SRGAP2C: variants seen among roughly 807,000 people sequenced by gnomAD.
SRGAP2C encodes SLIT-ROBO Rho GTPase-activating protein 2C.
In SRGAP2C, 15 loss-of-function variants were observed where a neutral mutation model predicts 25.1. The observed-to-expected ratio is 0.60, with a 90% CI of 0.40 to 0.92. The LOEUF (loss-of-function observed/expected upper bound fraction) is 0.92, where lower values mean the gene tolerates loss of function less well. Among genes scored for constraint, SRGAP2C ranks in the 40% least tolerant of loss-of-function variants. The pLI is 0.00. For synonymous variants in SRGAP2C, 44 were observed against 96.6 expected (o/e 0.46, Z 3.19); for missense variants, 144 against 264.4 (o/e 0.54, Z 3.16).
At chr1:121,208,520 A>G (rs1306029632) in intron 2 of SRGAP2C, among the ~76,000 whole-genome samples, 1 of 152,214 alleles carries the variant, frequency 6.6e-6, no homozygotes, top group African/African-American at 2.4e-5. Context: ...GGTAAATGAT[A>G]AATAGCAAGT....
chr1:121,320,794 T>G (rs1658183909), intron 3 of SRGAP2C, among the ~76,000 whole-genome samples: 4 of 152,118 alleles, frequency 2.6e-5, no homozygotes. Context: ...TTCCCCTTCA[T>G]AAATATTAAT....
chr1:121,314,510 TAG>T (rs1658049128), intron 3 of SRGAP2C, among the ~76,000 whole-genome samples: 1 of 152,148 alleles, frequency 6.6e-6, no homozygotes, highest in Non-Finnish European at 1.5e-5. Flanking sequence ...CTCTGCGTTT[TAG>T]AGTTTCCAGT....
intron 2 of SRGAP2C, among the ~76,000 whole-genome samples, chr1:121,230,687 C>A (rs1442656514): frequency 1.3e-5 from 2 of 149,170 alleles, no homozygotes; most frequent in Non-Finnish European, 3.0e-5. Flanking sequence ...TTATCAAAGG[C>A]CTTTCCCAAA....
intron 2 of SRGAP2C, among the ~76,000 whole-genome samples, chr1:121,213,834 T>C (rs1655327024): frequency 9.9e-6 from 1 of 100,852 alleles, no homozygotes. Flanking sequence ...AACAGAATCT[T>C]CTCAAGATCA....
chr1:121,282,526 C>G (rs1255332674), intron 2 of SRGAP2C, among the ~76,000 whole-genome samples: 9 of 151,004 alleles, frequency 6.0e-5, no homozygotes, highest in Admixed American at 1.3e-4. Flanking sequence ...ACCTGGAAAG[C>G]CTTTCCACCC....
intron 2 of SRGAP2C, among the ~76,000 whole-genome samples, chr1:121,217,609 T>A (rs1655423358): frequency 1.3e-5 from 2 of 152,070 alleles, no homozygotes; most frequent in Admixed American, 1.3e-4. Context: ...GTGACTCAAA[T>A]TCCACTGAAG....
intron 2 of SRGAP2C, among the ~76,000 whole-genome samples, chr1:121,264,968 G>C (rs370174995): frequency 8.5e-6 from 1 of 117,194 alleles, no homozygotes; most frequent in Non-Finnish European, 1.8e-5. Context: ...AGGCTGAGGC[G>C]GGTAGATCAC....
intron 2 of SRGAP2C, among the ~76,000 whole-genome samples, chr1:121,262,908 TTG>T (rs1419744931): frequency 1.3e-5 from 2 of 149,484 alleles, no homozygotes; most frequent in Non-Finnish European, 3.0e-5. Flanking sequence ...TTGTGTTATT[TTG>T]TGTCTTTTCC....
chr1:121,223,999 G>A (rs1464819568), intron 2 of SRGAP2C, among the ~76,000 whole-genome samples: 11 of 151,916 alleles, frequency 7.2e-5, no homozygotes, highest in South Asian at 6.2e-4. Context: ...TACAGAGGCC[G>A]CTTGGCCTCT....
chr1:121,277,222 T>C (rs1657126322), intron 2 of SRGAP2C, among the ~76,000 whole-genome samples: 1 of 145,932 alleles, frequency 6.9e-6, no homozygotes, highest in African/African-American at 2.5e-5. Context: ...TTATGTAATA[T>C]GAATTGTTAT....
At chr1:121,335,905 T>C (rs1156504239) in intron 4 of SRGAP2C, among the ~76,000 whole-genome samples, 144 of 152,160 alleles carry the variant, frequency 9.5e-4, no homozygotes, top group Admixed American at 9.3e-3. Flanking sequence ...GATGTACTTA[T>C]CTTCCTCTGA....
chr1:121,337,862 C>CT (rs2101621893), intron 4 of SRGAP2C, among the ~76,000 whole-genome samples: 1 of 107,200 alleles, frequency 9.3e-6, no homozygotes, highest in Non-Finnish European at 1.9e-5. Context: ...TAAATGAATG[C>CT]TAACCATGCC....
intron 5 of SRGAP2C, among the ~76,000 whole-genome samples, chr1:121,368,011 G>A (rs1659380369): frequency 8.7e-6 from 1 of 115,220 alleles, no homozygotes; most frequent in Non-Finnish European, 1.8e-5. Flanking sequence ...GGGAGGCAGA[G>A]CTTGCAGTGA....
At chr1:121,374,748 A>T (rs1232111583) in intron 6 of SRGAP2C, 78 bp from the exon 7 acceptor site, 5 of 711,988 alleles carry the variant, frequency 7.0e-6, no homozygotes, top group Non-Finnish European at 1.3e-5. Flanking sequence ...GTTCTTGAAT[A>T]CACTGTACTT....
intron 3 of SRGAP2C, among the ~76,000 whole-genome samples, chr1:121,314,741 G>A (rs1233320573): frequency 6.6e-6 from 1 of 151,558 alleles, no homozygotes; most frequent in Non-Finnish European, 1.5e-5. Context: ...GCTGCTCGGG[G>A]GTCAGGGATC....
At chr1:121,383,112 G>C (rs1313246417) in intron 8 of SRGAP2C, among the ~76,000 whole-genome samples, 187 bp downstream of exon 8, 5 of 149,390 alleles carry the variant, frequency 3.3e-5, no homozygotes, top group African/African-American at 1.2e-4. Context: ...ACTCGGGCTT[G>C]GGTGCAGACA....
chr1:121,279,694 C>A (rs1221721750), intron 2 of SRGAP2C, among the ~76,000 whole-genome samples: 1 of 139,842 alleles, frequency 7.2e-6, no homozygotes, highest in African/African-American at 2.7e-5. Flanking sequence ...CCAGGGGAAG[C>A]TTCATGGGTG....
At chr1:121,285,478 C>G (rs1262570626) in intron 3 of SRGAP2C, among the ~76,000 whole-genome samples, 1 of 149,260 alleles carries the variant, frequency 6.7e-6, no homozygotes, top group Non-Finnish European at 1.5e-5. Flanking sequence ...GCTGCAGGGT[C>G]TATATTTTTA....
chr1:121,265,973 T>TTTG (rs771732337), intron 2 of SRGAP2C, among the ~76,000 whole-genome samples: 2 of 151,666 alleles, frequency 1.3e-5, no homozygotes, highest in African/African-American at 4.8e-5. Context: ...TGTTTGTTCG[T>TTTG]TTGTTGTTGT....
Sources: allele counts gnomAD v4.1 joint callset (sites outside exome capture counted in the v4.1 genomes callset), GRCh38; gene constraint gnomAD v4.1.1; transcripts MANE v1.5; gene names NCBI Gene and HGNC (gene_info 2026-07-23, HGNC 2026-07-21).